The following ST18 variants were observed in gnomAD, a reference collection of about 807,000 sequenced individuals.
The protein encoded by ST18 is ST18 C2H2C-type zinc finger transcription factor.
In ST18, 50 loss-of-function variants were observed where a neutral mutation model predicts 110.0. That is an observed-to-expected ratio of 0.45 (90% CI 0.36 to 0.58). The LOEUF (loss-of-function observed/expected upper bound fraction) is 0.58, where lower values mean the gene tolerates loss of function less well. ST18 is among the 20% of genes least tolerant of loss of function. The probability of loss-of-function intolerance (pLI) is 0.00; values close to 1 mark genes in which losing one functional copy is unlikely to be tolerated. For synonymous variants in ST18, 461 were observed against 452.4 expected (o/e 1.02, Z -0.24); for missense variants, 1,306 against 1,280.1 (o/e 1.02, Z -0.31).
chr8:52,252,317 C>G (rs2094349818), intron 2 of ST18, among the ~76,000 whole-genome samples: 1 of 151,924 alleles, frequency 6.6e-6, no homozygotes, highest in Non-Finnish European at 1.5e-5. Context: ...TTAATTCTGA[C>G]TTTTAAAAAT....
intron 2 of ST18, among the ~76,000 whole-genome samples, chr8:52,241,124 G>A (rs1458440978): frequency 6.6e-6 from 1 of 152,182 alleles, no homozygotes; most frequent in Admixed American, 6.5e-5. Flanking sequence ...TCCTGGGCTT[G>A]CCTCTCGCAT....
intron 2 of ST18, chr8:52,404,927 T>G (rs1314071825): frequency 6.6e-6 from 1 of 152,232 alleles, no homozygotes; most frequent in Non-Finnish European, 1.5e-5. Context: ...CAGACCCACT[T>G]ACTATTTAAC....
chr8:52,147,895 C>A (rs117165634), intron 16 of ST18, among the ~76,000 whole-genome samples: 64 of 152,278 alleles, frequency 4.2e-4, no homozygotes, highest in African/African-American at 1.5e-3. Flanking sequence ...AGTAGGACTG[C>A]GCCAACAATT....
intron 2 of ST18, among the ~76,000 whole-genome samples, chr8:52,341,754 A>G (rs943983401): frequency 6.6e-6 from 1 of 152,208 alleles, no homozygotes; most frequent in Non-Finnish European, 1.5e-5. Flanking sequence ...TTCCCACTCA[A>G]TGCTGCAGCT....
At chr8:52,393,887 A>C (rs1208360134) in intron 2 of ST18, 1 of 151,374 alleles carries the variant, frequency 6.6e-6, no homozygotes, top group Admixed American at 6.6e-5. Context: ...CATCTCAAAA[A>C]AAAAAAAAAA....
At chr8:52,195,376 T>C (rs2075873642) in intron 8 of ST18, among the ~76,000 whole-genome samples, 1 of 152,130 alleles carries the variant, frequency 6.6e-6, no homozygotes, top group Admixed American at 6.5e-5. Flanking sequence ...CAAAATACTT[T>C]CTTTTGAGTA....
chr8:52,208,116 TAAG>T (rs947676067), intron 8 of ST18, among the ~76,000 whole-genome samples: 5 of 152,292 alleles, frequency 3.3e-5, no homozygotes, highest in African/African-American at 1.2e-4. Flanking sequence ...TCGAGTATAA[TAAG>T]AAGATGAGAA....
intron 8 of ST18, among the ~76,000 whole-genome samples, chr8:52,191,447 C>T (rs147782408): frequency 7.9e-5 from 12 of 152,252 alleles, no homozygotes; most frequent in East Asian, 3.9e-4. Flanking sequence ...GTCCAAAATT[C>T]GGCTGAAACA....
chr8:52,342,394 C>T (rs1815502522), intron 2 of ST18, among the ~76,000 whole-genome samples: 3 of 152,210 alleles, frequency 2.0e-5, no homozygotes, highest in Middle Eastern at 3.4e-3. Context: ...TATTACAAGA[C>T]CATCTAGGAG....
chr8:52,124,622 T>C (rs534365711), intron 23 of ST18, among the ~76,000 whole-genome samples: 4 of 152,190 alleles, frequency 2.6e-5, no homozygotes, highest in Admixed American at 6.5e-5. Context: ...ATTTAGGGAA[T>C]GGGCAGTATT....
chr8:52,318,475 C>T (rs920879754), intron 2 of ST18, among the ~76,000 whole-genome samples: 4 of 152,064 alleles, frequency 2.6e-5, no homozygotes, highest in East Asian at 3.9e-4. Context: ...TCAACCATTG[C>T]GGAAGACAGT....
At chr8:52,161,702 G>A (rs999358074) in intron 13 of ST18, 134 bp from the exon 14 acceptor site, 15 of 1,031,150 alleles carry the variant, frequency 1.5e-5, no homozygotes, top group Admixed American at 8.1e-5. Context: ...TAAGAGAGAC[G>A]GGGCCATGGC....
At chr8:52,143,488 AAAAAG>A (rs1286910235) in intron 16 of ST18, among the ~76,000 whole-genome samples, 1 of 152,110 alleles carries the variant, frequency 6.6e-6, no homozygotes, top group East Asian at 1.9e-4. Context: ...CGTCTCAAAA[AAAAAG>A]AAAAGAAAAG....
intron 13 of ST18, among the ~76,000 whole-genome samples, chr8:52,163,260 C>T (rs975431993): frequency 6.6e-6 from 1 of 152,178 alleles, no homozygotes; most frequent in Non-Finnish European, 1.5e-5. Flanking sequence ...GAAGCCGTAT[C>T]TTGAAAACGT....
At chr8:52,239,888 G>A (rs1000902070) in intron 2 of ST18, among the ~76,000 whole-genome samples, 8 of 151,982 alleles carry the variant, frequency 5.3e-5, no homozygotes, top group Non-Finnish European at 1.0e-4. Flanking sequence ...CTACCTCCCT[G>A]GCTCAAGCAA....
chr8:52,201,816 G>A (rs2078079170), intron 8 of ST18, among the ~76,000 whole-genome samples: 1 of 152,118 alleles, frequency 6.6e-6, no homozygotes, highest in African/African-American at 2.4e-5. Context: ...AGGGATGGGC[G>A]GTGGGCTCAT....
chr8:52,203,024 G>T (rs1304754694), intron 8 of ST18, among the ~76,000 whole-genome samples: 1 of 152,086 alleles, frequency 6.6e-6, no homozygotes, highest in African/African-American at 2.4e-5. Context: ...ACATACAGGG[G>T]TAGATAATGT....
chr8:52,348,479 G>A (rs975069488), intron 2 of ST18, among the ~76,000 whole-genome samples: 5 of 152,198 alleles, frequency 3.3e-5, no homozygotes, highest in Admixed American at 6.5e-5. Flanking sequence ...TCAGCTGGGT[G>A]CGGTGGCTCA....
intron 2 of ST18, among the ~76,000 whole-genome samples, chr8:52,278,570 C>T (rs983454810): frequency 6.6e-6 from 1 of 152,080 alleles, no homozygotes; most frequent in Non-Finnish European, 1.5e-5. Context: ...TACCCCCAAC[C>T]CCTGCTCCTT....
Sources: gnomAD v4.1 joint callset for allele counts (sites outside exome capture counted in the v4.1 genomes callset) on GRCh38, gnomAD v4.1.1 for gene constraint, MANE v1.5 for transcripts, NCBI Gene and HGNC (gene_info 2026-07-23, HGNC 2026-07-21) for gene names.